SERPINI1: variants seen among roughly 807,000 people sequenced by gnomAD.
SERPINI1 encodes serpin family I member 1.
A neutral mutation model predicts 41.1 loss-of-function variants in SERPINI1; 19 were observed. That is an observed-to-expected ratio of 0.46 (90% CI 0.32 to 0.68). SERPINI1 has a LOEUF of 0.68. Among genes scored for constraint, SERPINI1 ranks in the 30% least tolerant of loss-of-function variants. SERPINI1 has a pLI of 0.03. For synonymous variants in SERPINI1, 138 were observed against 156.6 expected (o/e 0.88, Z 0.89); for missense variants, 460 against 479.2 (o/e 0.96, Z 0.37).
Position 167,824,465 on chromosome 3 carries a change from C to T in SERPINI1, c.1067-8C>T, listed in dbSNP as rs1712448976. ...CAGACATATAATTACTTTTTATCTG[C>T]ACTGTAGGAATGATTGCAATTAGTA... is the stretch of plus-strand genomic sequence containing the variant. On this transcript the variant is annotated splice_region_variant and splice_polypyrimidine_tract_variant and intron_variant, in intron 7 of 8. Transcript: ENST00000446050. 1 of 1,606,092 alleles carries T rather than the reference C, an allele frequency of 6.2e-7. No individual in the cohort carries two copies. The highest frequency in any genetic ancestry group is 1.1e-5 in the South Asian group (1 of 90,886).
intron 5 of SERPINI1, among the ~76,000 whole-genome samples, chr3:167,806,329 TA>T (rs1318233741): frequency 1.3e-5 from 2 of 150,456 alleles, no homozygotes; most frequent in African/African-American, 2.4e-5. Context: ...TCTGAGGGGG[TA>T]GGGGGGCAAG....
intron 1 of SERPINI1, among the ~76,000 whole-genome samples, chr3:167,744,750 A>G (rs1725804062): frequency 8.5e-6 from 1 of 117,410 alleles, no homozygotes; most frequent in African/African-American, 3.3e-5. Flanking sequence ...ATATATAACT[A>G]TATTTATATA....
At chr3:167,752,920 C>T (rs1296006777) in intron 1 of SERPINI1, among the ~76,000 whole-genome samples, 1 of 152,088 alleles carries the variant, frequency 6.6e-6, no homozygotes, top group Non-Finnish European at 1.5e-5. Flanking sequence ...TGATTCTCTC[C>T]TTAATCTAAA....
At chr3:167,759,400 G>GTATATATATATATATATATAGATA (rs1726301872) in intron 1 of SERPINI1, among the ~76,000 whole-genome samples, 1 of 121,118 alleles carries the variant, frequency 8.3e-6, no homozygotes, top group Non-Finnish European at 1.8e-5. Flanking sequence ...AGAAAATGTG[G>GTATATATATATATATATATAGATA]TATATATATA....
intron 1 of SERPINI1, among the ~76,000 whole-genome samples, chr3:167,741,346 A>T (rs1018297500): frequency 6.6e-6 from 1 of 152,198 alleles, no homozygotes; most frequent in Non-Finnish European, 1.5e-5. Flanking sequence ...CTCAAATGTC[A>T]CACAGTGATT....
At chr3:167,780,190 T>G (rs1727076465) in intron 1 of SERPINI1, among the ~76,000 whole-genome samples, 1 of 152,226 alleles carries the variant, frequency 6.6e-6, no homozygotes, top group Non-Finnish European at 1.5e-5. Flanking sequence ...TCATTTATCA[T>G]GCATATGACT....
At chr3:167,736,971 GAC>G (rs559605547) in intron 1 of SERPINI1, among the ~76,000 whole-genome samples, 34 of 151,798 alleles carry the variant, frequency 2.2e-4, no homozygotes, top group African/African-American at 6.0e-4. Context: ...CTTTCATTGT[GAC>G]AGTTGCATAT....
intron 1 of SERPINI1, among the ~76,000 whole-genome samples, chr3:167,774,646 T>C (rs533047937): frequency 1.4e-4 from 21 of 152,294 alleles, no homozygotes; most frequent in African/African-American, 4.3e-4. Flanking sequence ...GCAGCAGCAT[T>C]AGATTCTCAT....
chr3:167,820,406 T>A (rs1459438094), intron 6 of SERPINI1, among the ~76,000 whole-genome samples: 1 of 152,154 alleles, frequency 6.6e-6, no homozygotes, highest in African/African-American at 2.4e-5. Context: ...CTCTGCACTC[T>A]CCAGGCCCAG....
rs531904232 is a variant in SERPINI1, at chr3:167,772,514, T to C, written c.-18-16597T>C. Among the ~76,000 whole-genome samples, 27 of 152,240 alleles carry C rather than the reference T, an allele frequency of 1.8e-4. No homozygotes were observed. In the East Asian group the frequency reaches 5.0e-3, roughly 28 times the overall value. ...AATTGTATATTCAAATATAGCTGTA[T>C]AGATCTCTTATGGAGTAAAATCCAT... On this transcript the variant is annotated intron_variant, in intron 1 of 8. Coordinates refer to ENST00000446050, the MANE Select transcript of SERPINI1 (RefSeq NM_001122752.2).
At chr3:167,766,224 T>TA (rs34346585) in intron 1 of SERPINI1, among the ~76,000 whole-genome samples, 58,374 of 125,990 alleles carry the variant, frequency 0.46, 12,672 homozygotes, top group Admixed American at 0.54. Flanking sequence ...GCAATTTACC[T>TA]AAAAAAAAAA....
In SERPINI1 at chr3:167,740,160, G is replaced by A. The variant is rs116795590; in HGVS notation, c.-19+4337G>A. 2.5e-3 allele frequency among the ~76,000 whole-genome samples: 373 copies of A among 151,764 alleles called. 2 individuals are homozygous for A. The highest frequency in any genetic ancestry group is 8.3e-3 in the African/African-American group (344 of 41,380). ...CACTCCTCACACCGCAGACTCCCCAGTAGCTAAGACTACAGGCAAGAACCA... is the reference window on the plus strand; with the variant it reads ...CACTCCTCACACCGCAGACTCCCCAATAGCTAAGACTACAGGCAAGAACCA... On this transcript the variant is annotated intron_variant, in intron 1 of 8. Coordinates refer to ENST00000446050, the MANE Select transcript of SERPINI1 (RefSeq NM_001122752.2).
At chr3:167,805,907 T>C (rs1711614520) in intron 5 of SERPINI1, among the ~76,000 whole-genome samples, 1 of 151,774 alleles carries the variant, frequency 6.6e-6, no homozygotes, top group African/African-American at 2.4e-5. Context: ...TATATATCTG[T>C]TTTGGAGTAC....
intron 1 of SERPINI1, among the ~76,000 whole-genome samples, chr3:167,782,964 C>A (rs1727187173): frequency 6.6e-6 from 1 of 152,144 alleles, no homozygotes; most frequent in African/African-American, 2.4e-5. Flanking sequence ...TGTGCTGCGT[C>A]ACAGTACAAA....
At chr3:167,796,091 ATATT>A (rs1727703145) in intron 5 of SERPINI1, among the ~76,000 whole-genome samples, 1 of 152,106 alleles carries the variant, frequency 6.6e-6, no homozygotes, top group Non-Finnish European at 1.5e-5. Context: ...TAACCCATTC[ATATT>A]TATTCTAATT....
At chr3:167,809,772 G>T (rs752852208) in intron 6 of SERPINI1, among the ~76,000 whole-genome samples, 1 of 151,894 alleles carries the variant, frequency 6.6e-6, no homozygotes, top group Non-Finnish European at 1.5e-5. Context: ...TTCACTGAAG[G>T]GTAAAAAAGA....
intron 5 of SERPINI1, 82 bp downstream of exon 5, chr3:167,794,906 C>G: frequency 9.5e-7 from 1 of 1,055,842 alleles, no homozygotes; most frequent in Non-Finnish European, 1.5e-6. Context: ...ACTCTTCGAA[C>G]TGCTTTCGAA....
At chr3:167,822,798 T>A (rs1026634867) in intron 6 of SERPINI1, 188 bp from the exon 7 acceptor site, 9 of 529,082 alleles carry the variant, frequency 1.7e-5, no homozygotes, top group Non-Finnish European at 2.7e-5. Context: ...AGCAAAAGAA[T>A]ATAAAATGAG....
At chr3:167,814,619 A>C (rs995719752) in intron 6 of SERPINI1, among the ~76,000 whole-genome samples, 1 of 152,250 alleles carries the variant, frequency 6.6e-6, no homozygotes, top group African/African-American at 2.4e-5. Flanking sequence ...CATGATGGCT[A>C]TCCTGCAAGC....
Sources: gnomAD v4.1 joint callset for allele counts (sites outside exome capture counted in the v4.1 genomes callset) on GRCh38, gnomAD v4.1.1 for gene constraint, MANE v1.5 for transcripts, NCBI Gene and HGNC (gene_info 2026-07-23, HGNC 2026-07-21) for gene names.